DOK1: variants seen among roughly 807,000 people sequenced by gnomAD.
DOK1 encodes the protein docking protein 1, also known as Downstream of tyrosine kinase 1.
A neutral mutation model predicts 24.0 loss-of-function variants in DOK1; 12 were observed. That is an observed-to-expected ratio of 0.50 (90% CI 0.32 to 0.81). The LOEUF (loss-of-function observed/expected upper bound fraction) is 0.81, where lower values mean the gene tolerates loss of function less well. Ranked by LOEUF, DOK1 falls within the 30% of genes least tolerant of loss-of-function variation. The pLI, the probability that DOK1 is intolerant of heterozygous loss-of-function variation, is 0.03. For synonymous variants in DOK1, 250 were observed against 260.9 expected, an observed-to-expected ratio of 0.96 and a Z score of 0.40; for missense variants, 591 against 620.7, an observed-to-expected ratio of 0.95 and a Z score of 0.51.
Position 74,555,035 on chromosome 2 carries a change from C to G in DOK1, c.61-119C>G. 1.2e-5 allele frequency: 17 copies of G among 1,428,072 alleles called. No individual in the cohort carries two copies. The highest frequency in any genetic ancestry group is 1.6e-5 in the Non-Finnish European group (17 of 1,063,804). 88.5% of individuals were successfully genotyped at this position (1,428,072 alleles called of 1,614,324 possible). A position where few individuals can be genotyped will look rare whatever the true frequency, so the allele number is the denominator to read the frequency against. On this transcript the variant is annotated intron_variant, in intron 1 of 4. Coordinates refer to ENST00000233668, the MANE Select transcript of DOK1 (RefSeq NM_001381.5). This position sits in a 1 kb window ranked among gnomAD's most constrained non-coding sequence, Gnocchi z 6.1. ...GCATCGTCCTTGGGAAACTTCGCCC[C>G]CAACCCCGTTTGGAAGCCCCAGATC...
chr2:74,556,420 G>T lies in DOK1; in HGVS notation c.752G>T (p.Arg251Leu). ...CAGGCAGTTGAGACTGCCATCCACC[G>T]GCAGAAGGCCCAGGGAAAGGCCGGA... ...IFQAVETAIH[R>L]QKAQGKAGQG... is the part of the protein sequence containing the mutation. The change falls in exon 5 of 5, where the codon CGG becomes CTG. Residue 251 changes from arginine to leucine, a missense_variant. Physicochemically the swap from Arg to Leu is moderately radical, Grantham distance 102. Coordinates refer to ENST00000233668, the MANE Select transcript of DOK1 (RefSeq NM_001381.5). The surrounding 1 kb of genome is among the most constrained non-coding windows in gnomAD (Gnocchi z 4.1). 1 of 1,614,106 alleles carries T rather than the reference G, an allele frequency of 6.2e-7. No individual in the cohort carries two copies. Among genetic ancestry groups the T allele is most frequent in the Non-Finnish European group, 8.5e-7 (1 of 1,180,022 alleles).
chr2:74,550,070 C>T, upstream of DOK1: 2 of 1,482,800 alleles, frequency 1.3e-6, no homozygotes, highest in Non-Finnish European at 1.8e-6. Context: ...CCAAGTCTCC[C>T]ACCAATCCAA....
At chr2:74,554,363 A>G (rs1677234422), upstream of DOK1, 1 of 207,532 alleles carries the variant, frequency 4.8e-6, no homozygotes, top group Non-Finnish European at 9.7e-6. The surrounding 1 kb of genome is among the most constrained non-coding windows in gnomAD (Gnocchi z 4.9). Flanking sequence ...GGGTAAATAA[A>G]GCCCCGGAGG....
In DOK1 at chr2:74,549,171, AG is replaced by A. The variant is rs1402734142; in HGVS notation, c.-358+1del. 1 of 498,670 alleles carries A rather than the reference AG, an allele frequency of 2.0e-6. No homozygotes were observed. Among genetic ancestry groups the A allele is most frequent in the African/African-American group, 2.0e-5 (1 of 49,992 alleles). 30.9% of individuals were successfully genotyped at this position (498,670 alleles called of 1,614,324 possible). On this transcript the variant is annotated splice_region_variant and 5_prime_UTR_variant, in exon 1 of 5. Coordinates refer to the DOK1 transcript ENST00000409429. This position sits in a 1 kb window ranked among gnomAD's most constrained non-coding sequence, Gnocchi z 5.3. ...CGGGAGCCTCGCTGGTCCCCATTTC[AG>A]GTACTCCCTTGGGGCACCTTTCGTG...
Position 74,555,150 on chromosome 2 carries a change from C to G in DOK1, c.61-4C>G. 6.2e-7 allele frequency: 1 copy of G among 1,610,120 alleles called. No individual in the cohort carries two copies. The highest frequency in any genetic ancestry group is 8.5e-7 in the Non-Finnish European group (1 of 1,178,336). ...CCTCTCGAGCACTCTCTCTCTCTCC[C>G]TAGAGGTGGAGGAAGACCTGGGCCG... On this transcript the variant is annotated splice_polypyrimidine_tract_variant and splice_region_variant and intron_variant, in intron 1 of 4. Coordinates refer to ENST00000233668, the MANE Select transcript of DOK1 (RefSeq NM_001381.5). The surrounding 1 kb of genome is among the most constrained non-coding windows in gnomAD (Gnocchi z 6.1).
upstream of DOK1, chr2:74,552,888 A>G: frequency 4.2e-6 from 2 of 472,332 alleles, no homozygotes; most frequent in South Asian, 7.9e-5. Context: ...GACAACTATG[A>G]GAGATCGAGA....
Position 74,556,118 on chromosome 2 carries a change from C to G in DOK1, c.639+40C>G, listed in dbSNP as rs1677443949. 1 of 1,547,186 alleles carries G rather than the reference C, an allele frequency of 6.5e-7. No homozygotes were observed. Among genetic ancestry groups the G allele is most frequent in the African/African-American group, 1.4e-5 (1 of 73,016 alleles). ...CGGGAGGGCTTCCTGGGTTGGGCAGCTGTGGGAGGGGTGGGGCAGGACAGA... is the reference window on the plus strand; with the variant it reads ...CGGGAGGGCTTCCTGGGTTGGGCAGGTGTGGGAGGGGTGGGGCAGGACAGA... On this transcript the variant is annotated intron_variant, in intron 4 of 4. Coordinates refer to ENST00000233668, the MANE Select transcript of DOK1 (RefSeq NM_001381.5). The surrounding 1 kb of genome is among the most constrained non-coding windows in gnomAD (Gnocchi z 4.1).
At position 74,557,039 on chromosome 2, in the gene DOK1, CT is replaced by C; in HGVS notation, c.1372del (p.Ser458GlnfsTer11). 6.2e-7 allele frequency: 1 copy of C among 1,614,190 alleles called. No homozygotes were observed. The highest frequency in any genetic ancestry group is 8.5e-7 in the Non-Finnish European group (1 of 1,180,036). ...ACAGCCAGGTCCAGAAGAGCGGGGC[CT>C]CAGGGAGCTGGGACTGTGGGCTCTC... Reference protein sequence around the residue: ...LYSQVQKSGASGSWDCGLSRV... With the variant: ...LYSQVQKSGAXGSWDCGLSRV... On this transcript the variant is annotated frameshift_variant, in exon 5 of 5. Coordinates refer to ENST00000233668, the MANE Select transcript of DOK1 (RefSeq NM_001381.5). LOFTEE classifies it low-confidence loss of function (END_TRUNC).
rs775219457 is a variant in DOK1, at chr2:74,556,090, G to A, written c.639+12G>A. On this transcript the variant is annotated intron_variant, in intron 4 of 4. Transcript: ENST00000233668. This position sits in a 1 kb window ranked among gnomAD's most constrained non-coding sequence, Gnocchi z 4.1. ...ATGGCCGGGACAAGGTGCAGGGGCTGTCCGGGAGGGCTTCCTGGGTTGGGC... is the reference window on the plus strand; with the variant it reads ...ATGGCCGGGACAAGGTGCAGGGGCTATCCGGGAGGGCTTCCTGGGTTGGGC... 4 of 1,565,330 alleles carry A rather than the reference G, an allele frequency of 2.6e-6. No individual in the cohort carries two copies. Among genetic ancestry groups the A allele is most frequent in the Non-Finnish European group, 3.5e-6 (4 of 1,153,222 alleles).
At chr2:74,554,534 C>T, upstream of DOK1, 1 of 575,338 alleles carries the variant, frequency 1.7e-6, no homozygotes, top group Non-Finnish European at 3.1e-6. The surrounding 1 kb of genome is among the most constrained non-coding windows in gnomAD (Gnocchi z 4.9). Flanking sequence ...ACTGGCGCGC[C>T]CCCACGACGG....
Position 74,557,012 on chromosome 2 carries a change from G to A in DOK1, c.1344G>A (p.Leu448=). 1 of 1,614,224 alleles carries A rather than the reference G, an allele frequency of 6.2e-7. No homozygotes were observed. Among genetic ancestry groups the A allele is most frequent in the Non-Finnish European group, 8.5e-7 (1 of 1,180,048 alleles). ...GCATCAAAAGCCACAACTCAGCCCTGTACAGCCAGGTCCAGAAGAGCGGGG... is the reference window on the plus strand; with the variant it reads ...GCATCAAAAGCCACAACTCAGCCCTATACAGCCAGGTCCAGAAGAGCGGGG... ...GSGIKSHNSA[L]YSQVQKSGAS... is the part of the protein sequence containing the mutation. Residue 448 remains leucine (L), a synonymous_variant, in exon 5 of 5, where the codon CTG becomes CTA. Coordinates refer to ENST00000233668, the MANE Select transcript of DOK1 (RefSeq NM_001381.5).
chr2:74,553,310 C>A (rs1438064429), upstream of DOK1, among the ~76,000 whole-genome samples: 1 of 152,180 alleles, frequency 6.6e-6, no homozygotes, highest in African/African-American at 2.4e-5. Context: ...GGAAGGCTGG[C>A]ACCAAAGCTC....
At chr2:74,552,595 G>T (rs374069539), upstream of DOK1, 161 of 1,589,528 alleles carry the variant, frequency 1.0e-4, no homozygotes, top group Non-Finnish European at 1.3e-4. Flanking sequence ...CACAGCAGCA[G>T]CCCCCAGGGG....
rs1243236962 is a variant in DOK1 at position 74,556,683 on chromosome 2, G to A, written c.1015G>A (p.Asp339Asn). The change falls in exon 5 of 5, where the codon GAC becomes AAC. Residue 339 changes from aspartate (D) to asparagine (N), a missense_variant. Physicochemically the swap from Asp to Asn is conservative, Grantham distance 23 (BLOSUM62 1). Transcript: ENST00000233668. The surrounding 1 kb of genome is among the most constrained non-coding windows in gnomAD (Gnocchi z 4.1). Reference sequence around the variant, plus strand: ...ACAACGGAAGAAACCTCTCTATTGGGACTTGTATGAGCATGCGCAGCAGCA... The same window carrying A: ...ACAACGGAAGAAACCTCTCTATTGGAACTTGTATGAGCATGCGCAGCAGCA... ...GVQRKKPLYW[D>N]LYEHAQQQLL... 1 of 1,614,244 alleles carries A rather than the reference G, an allele frequency of 6.2e-7. No homozygotes were observed. The highest frequency in any genetic ancestry group is 8.5e-7 in the Non-Finnish European group (1 of 1,180,046).
rs757915308 is a variant in DOK1 at position 74,556,600 on chromosome 2, A to T, written c.932A>T (p.Gln311Leu). Residue 311 changes from glutamine to leucine, a missense_variant, in exon 5 of 5, where the codon CAG (glutamine) becomes CTG (leucine). By Grantham distance (113) the Gln-to-Leu change is moderately radical. Coordinates refer to ENST00000233668, the MANE Select transcript of DOK1 (RefSeq NM_001381.5). This position sits in a 1 kb window ranked among gnomAD's most constrained non-coding sequence, Gnocchi z 4.1. ...CTGCGCATTGCTCCATGCCCTTCCC[A>T]GGACTCCCTATACTCAGACCCCTTG... The part of the protein sequence containing the change: ...DSLRIAPCPS[Q>L]DSLYSDPLDS... 2 of 1,614,192 alleles carry T rather than the reference A, an allele frequency of 1.2e-6. No individual in the cohort carries two copies. The highest frequency in any genetic ancestry group is 2.2e-5 in the East Asian group (1 of 44,886).
chr2:74,555,744 ACCCAGGGG>A lies in DOK1; in HGVS notation c.454+81_454+88del, dbSNP rs960120134. 6.2e-7 allele frequency: 1 copy of A among 1,604,350 alleles called. No individual in the cohort carries two copies. On this transcript the variant is annotated intron_variant, in intron 3 of 4. Transcript: ENST00000233668. The surrounding 1 kb of genome is among the most constrained non-coding windows in gnomAD (Gnocchi z 6.1). ...GAGGGCCTTTGGGAAGTGGGTGGAT[ACCCAGGGG>A]CCCATGGGGAAGTAAGAAGTAGGAA... is the stretch of plus-strand genomic sequence containing the variant.
chr2:74,550,305 C>T (rs779427826), upstream of DOK1: 1 of 1,614,150 alleles, frequency 6.2e-7, no homozygotes, highest in Non-Finnish European at 8.5e-7. Context: ...CAGTCACACT[C>T]TGCTCGGTCC....
At chr2:74,554,714 C>G (rs1370701971), upstream of DOK1, 1 of 1,603,566 alleles carries the variant, frequency 6.2e-7, no homozygotes, top group Non-Finnish European at 8.5e-7. The surrounding 1 kb of genome is among the most constrained non-coding windows in gnomAD (Gnocchi z 4.9). Flanking sequence ...CCCCGCCTCC[C>G]GCCGCAGGGC....
Position 74,554,769 on chromosome 2 carries a change from G to A in DOK1, c.15G>A (p.Val5=), listed in dbSNP as rs1321158474. MDGA[V]MEGPLFLQSQ... ...CGCCGGGGGCCATGGACGGAGCAGT[G>A]ATGGAAGGGCCGCTTTTTTTGCAGA... Residue 5 remains valine (V), a synonymous_variant, in exon 1 of 5, where the codon GTG becomes GTA. Transcript: ENST00000233668. The surrounding 1 kb of genome is among the most constrained non-coding windows in gnomAD (Gnocchi z 4.9). 7 of 1,614,036 alleles carry A rather than the reference G, an allele frequency of 4.3e-6. No individual in the cohort carries two copies. The highest frequency in any genetic ancestry group is 3.4e-4 in the Middle Eastern group (2 of 5,916).
Sources: allele counts gnomAD v4.1 joint callset (sites outside exome capture counted in the v4.1 genomes callset), GRCh38; gene constraint gnomAD v4.1.1; non-coding constraint Gnocchi (gnomAD v3.1); transcripts MANE v1.5; gene names NCBI Gene and HGNC (gene_info 2026-07-23, HGNC 2026-07-21).